Variants in PALLD observed in about 807,000 individuals in gnomAD.
The protein encoded by PALLD is palladin, cytoskeletal associated protein, also known as palladin.
A neutral mutation model predicts 123.5 loss-of-function variants in PALLD; 61 were observed. That is an observed-to-expected ratio of 0.49 (90% CI 0.40 to 0.61). The LOEUF (loss-of-function observed/expected upper bound fraction) is 0.61. Among genes scored for constraint, PALLD ranks in the 20% least tolerant of loss-of-function variants. The probability of loss-of-function intolerance (pLI) is 0.00; values close to 1 mark genes in which losing one functional copy is unlikely to be tolerated. For synonymous variants in PALLD, 465 were observed against 496.4 expected (o/e 0.94, Z 0.84); for missense variants, 1,273 against 1,377.0 (o/e 0.92, Z 1.20).
intron 3 of PALLD, among the ~76,000 whole-genome samples, chr4:168,675,329 C>T (rs925723261): frequency 2.5e-4 from 38 of 152,292 alleles, no homozygotes; most frequent in African/African-American, 7.9e-4. Context: ...CTGTTAGACA[C>T]AGGTTCTCAG....
At chr4:168,760,047 C>CA (rs550788154) in intron 10 of PALLD, among the ~76,000 whole-genome samples, 5,297 of 127,340 alleles carry the variant, frequency 0.042, 94 homozygotes, top group Admixed American at 0.049. Flanking sequence ...GAGACTGTCT[C>CA]AAAAAAAAAA....
chr4:168,894,722 C>A, intron 12 of PALLD, 45 bp downstream of exon 12: 1 of 1,594,492 alleles, frequency 6.3e-7, no homozygotes, highest in African/African-American at 1.3e-5. Flanking sequence ...TTATTCTGTC[C>A]CCCTTTTCCA....
Position 168,898,490 on chromosome 4 carries a change from C to G in PALLD, c.2251-3C>G, listed in dbSNP as rs773752210. 1 of 1,601,844 alleles carries G rather than the reference C, an allele frequency of 6.2e-7. No homozygotes were observed. Among genetic ancestry groups the G allele is most frequent in the East Asian group, 2.2e-5 (1 of 44,814 alleles). ...CTGCTAACTTAAACTTTCCTTGATT[C>G]AGGAATACAAAGTCTCCAGCTGTGA... is the stretch of plus-strand genomic sequence containing the variant. On this transcript the variant is annotated splice_polypyrimidine_tract_variant and splice_region_variant and intron_variant, in intron 13 of 21. Coordinates refer to ENST00000505667, the MANE Select transcript of PALLD (RefSeq NM_001166108.2).
chr4:168,741,816 GCTC>G (rs1788376123), intron 10 of PALLD, among the ~76,000 whole-genome samples: 2 of 152,190 alleles, frequency 1.3e-5, no homozygotes, highest in African/African-American at 4.8e-5. Context: ...GTCCTGGAAA[GCTC>G]CTATTGGACA....
intron 14 of PALLD, 25 bp from the exon 15 acceptor site, chr4:168,903,731 TC>T (rs759534146): frequency 6.3e-7 from 1 of 1,594,816 alleles, no homozygotes; most frequent in Non-Finnish European, 8.6e-7. Flanking sequence ...AAACTCCTAA[TC>T]TTTAATCTTT....
intron 3 of PALLD, among the ~76,000 whole-genome samples, chr4:168,669,473 C>T (rs948671426): frequency 6.6e-6 from 1 of 152,078 alleles, no homozygotes; most frequent in Admixed American, 6.5e-5. Context: ...TACTTGTACT[C>T]CCAGCTATTC....
chr4:168,538,397 T>C (rs1277686438), intron 2 of PALLD, among the ~76,000 whole-genome samples: 1 of 151,994 alleles, frequency 6.6e-6, no homozygotes, highest in African/African-American at 2.4e-5. Flanking sequence ...CTTAATATAA[T>C]TCCTACAGTC....
At chr4:168,905,370 G>C (rs1014967849) in intron 15 of PALLD, among the ~76,000 whole-genome samples, 1 of 151,190 alleles carries the variant, frequency 6.6e-6, no homozygotes, top group Non-Finnish European at 1.5e-5. Flanking sequence ...GGATGGTCTC[G>C]ATCTCCTGAC....
At position 168,605,996 on chromosome 4, in the gene PALLD, T is replaced by C. The variant is rs113955036; in HGVS notation, c.909-62194T>C. Among the ~76,000 whole-genome samples the C allele has an allele frequency of 5.2e-3, 794 of 152,292 alleles. 7 individuals carry two copies. Among genetic ancestry groups the C allele is most frequent in the African/African-American group, 0.018 (749 of 41,566 alleles). ...TTTTTCATTAAAGGGCATCTATATT[T>C]TAAATTTCTACAATCATTGCTAAAG... On this transcript the variant is annotated intron_variant, in intron 2 of 21. Transcript: ENST00000505667.
intron 10 of PALLD, among the ~76,000 whole-genome samples, chr4:168,769,075 G>A (rs376242984): frequency 2.6e-5 from 4 of 152,148 alleles, no homozygotes; most frequent in East Asian, 1.9e-4. Context: ...CGCCCCCGTC[G>A]GCCTCCCAAA....
At chr4:168,792,360 C>T (rs1737651750) in intron 10 of PALLD, among the ~76,000 whole-genome samples, 1 of 151,992 alleles carries the variant, frequency 6.6e-6, no homozygotes, top group African/African-American at 2.4e-5. Flanking sequence ...TACATGACAC[C>T]TAATGAGTTG....
chr4:168,764,984 C>T (rs1185696987), intron 10 of PALLD, among the ~76,000 whole-genome samples: 3 of 152,080 alleles, frequency 2.0e-5, no homozygotes, highest in African/African-American at 7.2e-5. Flanking sequence ...CCCAATATAC[C>T]ATATCCAATA....
chr4:168,679,512 TG>T, intron 3 of PALLD, among the ~76,000 whole-genome samples: 1 of 132,950 alleles, frequency 7.5e-6, no homozygotes, highest in African/African-American at 3.0e-5. Flanking sequence ...TGTTTGTGTG[TG>T]GTGGGGTATG....
chr4:168,865,555 G>A (rs897088833), intron 10 of PALLD, among the ~76,000 whole-genome samples: 2 of 152,154 alleles, frequency 1.3e-5, no homozygotes, highest in African/African-American at 2.4e-5. Context: ...AATGTTATTG[G>A]CAACATTATT....
intron 6 of PALLD, among the ~76,000 whole-genome samples, chr4:168,690,384 T>G (rs1360559376): frequency 6.6e-6 from 1 of 152,216 alleles, no homozygotes; most frequent in Non-Finnish European, 1.5e-5. Flanking sequence ...TACACTTTAC[T>G]CATTTTATGA....
At chr4:168,656,245 A>AC (rs946544903) in intron 2 of PALLD, among the ~76,000 whole-genome samples, 2 of 61,878 alleles carry the variant, frequency 3.2e-5, no homozygotes, top group African/African-American at 6.9e-5. Flanking sequence ...CCACCCCCCC[A>AC]CCCCCCACCC....
chr4:168,882,104 C>G (rs1330277016), intron 10 of PALLD, among the ~76,000 whole-genome samples: 1 of 152,164 alleles, frequency 6.6e-6, no homozygotes, highest in Non-Finnish European at 1.5e-5. Context: ...AAATGTTGCC[C>G]CATGTTTGTC....
In PALLD at chr4:168,813,105, T is replaced by TC. The variant is rs1554087681; in HGVS notation, c.1965-77817_1965-77816insC. Among the ~76,000 whole-genome samples the TC allele has an allele frequency of 4.5e-3, 682 of 151,262 alleles. 3 individuals are homozygous for TC. The highest frequency in any genetic ancestry group is 8.3e-3 in the Non-Finnish European group (565 of 67,872). ...TTCTTTCTTTTGAAAAACGTACTTTTGGGGGGGGCGGAAATGAATTTGAAT... is the reference window on the plus strand; with the variant it reads ...TTCTTTCTTTTGAAAAACGTACTTTTCGGGGGGGGCGGAAATGAATTTGAAT... On this transcript the variant is annotated intron_variant, in intron 10 of 21. Coordinates refer to ENST00000505667, the MANE Select transcript of PALLD (RefSeq NM_001166108.2).
At chr4:168,812,957 A>T (rs1397434138) in intron 10 of PALLD, among the ~76,000 whole-genome samples, 1 of 151,446 alleles carries the variant, frequency 6.6e-6, no homozygotes, top group Non-Finnish European at 1.5e-5. Flanking sequence ...CATCAGCGAG[A>T]TCCCAGGCTG....
Sources: gnomAD v4.1 joint callset for allele counts (sites outside exome capture counted in the v4.1 genomes callset) on GRCh38, gnomAD v4.1.1 for gene constraint, MANE v1.5 for transcripts, NCBI Gene and HGNC (gene_info 2026-07-23, HGNC 2026-07-21) for gene names.